The following ASIC2 variants were observed in gnomAD, a reference collection of about 807,000 sequenced individuals.
The protein encoded by ASIC2 is acid-sensing ion channel 2.
Under a neutral mutation model 57.3 loss-of-function variants are expected in ASIC2, and 25 were observed. The observed-to-expected ratio is 0.44, with a 90% CI of 0.32 to 0.61. The LOEUF (loss-of-function observed/expected upper bound fraction) is 0.61. ASIC2 is among the 20% of genes least tolerant of loss of function. The pLI is 0.06. For missense variants in ASIC2, 641 were observed against 738.1 expected (o/e 0.87, Z 1.52); for synonymous variants, 319 against 307.5 (o/e 1.04, Z -0.39).
At chr17:33,807,369 G>T (rs1188048206) in intron 1 of ASIC2, among the ~76,000 whole-genome samples, 1 of 152,120 alleles carries the variant, frequency 6.6e-6, no homozygotes, top group African/African-American at 2.4e-5. Context: ...AATATTTGTT[G>T]GGTACCTGTC....
chr17:33,457,274 G>A (rs2090678557), intron 1 of ASIC2, among the ~76,000 whole-genome samples: 1 of 146,468 alleles, frequency 6.8e-6, no homozygotes, highest in South Asian at 2.2e-4. Context: ...AAAGATGAAT[G>A]TACATCTTGA....
At chr17:33,672,889 C>G (rs1907682002) in intron 1 of ASIC2, among the ~76,000 whole-genome samples, 1 of 152,146 alleles carries the variant, frequency 6.6e-6, no homozygotes, top group Non-Finnish European at 1.5e-5. Context: ...CTCACTTTCT[C>G]TATCTATAAA....
intron 1 of ASIC2, among the ~76,000 whole-genome samples, chr17:33,341,944 G>A (rs1386100322): frequency 2.0e-5 from 3 of 152,146 alleles, no homozygotes; most frequent in Admixed American, 6.5e-5. Flanking sequence ...TGAGATGAAT[G>A]CTCCCCACCC....
intron 1 of ASIC2, among the ~76,000 whole-genome samples, chr17:33,383,381 T>A (rs147195672): frequency 7.2e-5 from 11 of 152,314 alleles, no homozygotes; most frequent in African/African-American, 2.6e-4. Flanking sequence ...ATTCACTTCT[T>A]TTTTAATTTG....
At chr17:34,069,532 T>C (rs1909319731) in intron 1 of ASIC2, 1 of 152,200 alleles carries the variant, frequency 6.6e-6, no homozygotes, top group Non-Finnish European at 1.5e-5. Flanking sequence ...GGGCTCCTTC[T>C]TGAAGATGCA....
chr17:33,425,672 G>C (rs1403947829), intron 1 of ASIC2, among the ~76,000 whole-genome samples: 1 of 152,086 alleles, frequency 6.6e-6, no homozygotes, highest in East Asian at 1.9e-4. Context: ...AAAACAGAAG[G>C]GATGGGGAGA....
At chr17:33,905,015 C>A (rs1402313663) in intron 1 of ASIC2, among the ~76,000 whole-genome samples, 1 of 152,058 alleles carries the variant, frequency 6.6e-6, no homozygotes, top group Non-Finnish European at 1.5e-5. Flanking sequence ...AGAGGGGAAT[C>A]GCCTCAAATG....
At chr17:34,052,549 TG>T (rs1376891922) in intron 1 of ASIC2, among the ~76,000 whole-genome samples, 4 of 151,932 alleles carry the variant, frequency 2.6e-5, no homozygotes, top group Non-Finnish European at 4.4e-5. Context: ...ACCCTCTTTC[TG>T]TGGCTGTACC....
chr17:33,778,604 C>T (rs987265974), intron 1 of ASIC2, among the ~76,000 whole-genome samples: 3 of 152,154 alleles, frequency 2.0e-5, no homozygotes, highest in Non-Finnish European at 4.4e-5. Context: ...ATTCTCCTCC[C>T]TCAACAGGCG....
At chr17:33,807,422 G>T (rs1912299387) in intron 1 of ASIC2, among the ~76,000 whole-genome samples, 1 of 152,168 alleles carries the variant, frequency 6.6e-6, no homozygotes, top group Non-Finnish European at 1.5e-5. Flanking sequence ...GCAGAGGTGG[G>T]TAAACACCAC....
intron 1 of ASIC2, among the ~76,000 whole-genome samples, chr17:33,665,464 A>G (rs1168617050): frequency 2.0e-5 from 3 of 152,200 alleles, no homozygotes; most frequent in Non-Finnish European, 4.4e-5. Flanking sequence ...TAGGTTCTTC[A>G]GGGCAGTTGT....
chr17:33,540,034 G>T (rs1915358767), intron 1 of ASIC2, among the ~76,000 whole-genome samples: 1 of 152,158 alleles, frequency 6.6e-6, no homozygotes, highest in Non-Finnish European at 1.5e-5. Context: ...AGTACCCCAG[G>T]TTGGGCACCT....
At chr17:33,918,232 T>A (rs1328155088) in intron 1 of ASIC2, among the ~76,000 whole-genome samples, 2 of 152,206 alleles carry the variant, frequency 1.3e-5, no homozygotes, top group East Asian at 3.8e-4. Context: ...CTTTTGCTGA[T>A]TATCTTGTTA....
chr17:33,170,316 A>G (rs1374692962), intron 1 of ASIC2, among the ~76,000 whole-genome samples: 1 of 152,226 alleles, frequency 6.6e-6, no homozygotes, highest in African/African-American at 2.4e-5. Flanking sequence ...GTGATTACTT[A>G]TATTACAAAA....
intron 1 of ASIC2, among the ~76,000 whole-genome samples, chr17:33,758,076 C>A (rs369942270): frequency 6.6e-6 from 1 of 152,338 alleles, no homozygotes; most frequent in East Asian, 1.9e-4. Flanking sequence ...TGATGAAACT[C>A]ATGACTTGCT....
chr17:33,239,323 C>T (rs1908417701), intron 1 of ASIC2, among the ~76,000 whole-genome samples: 3 of 152,158 alleles, frequency 2.0e-5, no homozygotes. Flanking sequence ...AATATGAACC[C>T]TCTCCTAAGA....
intron 3 of ASIC2, among the ~76,000 whole-genome samples, chr17:33,060,060 A>G (rs1011221397): frequency 6.6e-6 from 1 of 152,074 alleles, no homozygotes; most frequent in African/African-American, 2.4e-5. Context: ...TTTGGATATT[A>G]GCCTTTTGTC....
chr17:33,490,408 C>T (rs1008051574), intron 1 of ASIC2, among the ~76,000 whole-genome samples: 1 of 152,194 alleles, frequency 6.6e-6, no homozygotes, highest in Non-Finnish European at 1.5e-5. Flanking sequence ...TGGATAACTG[C>T]AATGAAGATT....
At chr17:33,943,451 C>T (rs933362781) in intron 1 of ASIC2, among the ~76,000 whole-genome samples, 2 of 152,154 alleles carry the variant, frequency 1.3e-5, no homozygotes, top group Admixed American at 6.5e-5. Flanking sequence ...TTGCAGAGTG[C>T]TTCCACAGCC....
Sources: gnomAD v4.1 joint callset for allele counts (sites outside exome capture counted in the v4.1 genomes callset) on GRCh38, gnomAD v4.1.1 for gene constraint, MANE v1.5 for transcripts, NCBI Gene and HGNC (gene_info 2026-07-23, HGNC 2026-07-21) for gene names.